Variants in RTTN observed in about 807,000 individuals in gnomAD.
RTTN encodes rotatin.
A neutral mutation model predicts 269.2 loss-of-function variants in RTTN; 182 were observed. That is an observed-to-expected ratio of 0.68 (90% CI 0.60 to 0.76). The LOEUF (loss-of-function observed/expected upper bound fraction) is 0.76, where lower values mean the gene tolerates loss of function less well. Among genes scored for constraint, RTTN ranks in the 30% least tolerant of loss-of-function variants. The pLI is 0.00. For missense variants in RTTN, 2,545 were observed against 2,608.6 expected, an observed-to-expected ratio of 0.98 and a Z score of 0.53; for synonymous variants, 1,006 against 963.5, an observed-to-expected ratio of 1.04 and a Z score of -0.82.
At chr18:70,076,166 T>C (rs1469081594) in intron 32 of RTTN, among the ~76,000 whole-genome samples, 1 of 152,074 alleles carries the variant, frequency 6.6e-6, no homozygotes, top group African/African-American at 2.4e-5. Context: ...ATTTTTTGCA[T>C]TGTGACTTAC....
chr18:70,010,103 T>G (rs567256844), intron 46 of RTTN, among the ~76,000 whole-genome samples: 15 of 152,288 alleles, frequency 9.8e-5, no homozygotes, highest in Non-Finnish European at 1.3e-4. Context: ...CTTAGAGACC[T>G]ACAAAGAGAC....
chr18:70,166,815 T>A, intron 13 of RTTN, 104 bp downstream of exon 13: 2 of 728,162 alleles, frequency 2.7e-6, no homozygotes, highest in East Asian at 2.8e-5. Context: ...AACTAAAAAA[T>A]AATAACAAAG....
At chr18:70,198,208 T>C (rs2061858680) in intron 5 of RTTN, among the ~76,000 whole-genome samples, 1 of 152,146 alleles carries the variant, frequency 6.6e-6, no homozygotes, top group Admixed American at 6.5e-5. Flanking sequence ...TCTTATCCCA[T>C]ACAGAGGACA....
At chr18:70,107,287 A>C (rs2059345683) in intron 28 of RTTN, among the ~76,000 whole-genome samples, 1 of 152,230 alleles carries the variant, frequency 6.6e-6, no homozygotes, top group Non-Finnish European at 1.5e-5. Context: ...CTGTGAAGTA[A>C]GTGAGAATCA....
At chr18:70,113,266 G>C (rs1163908505) in intron 27 of RTTN, among the ~76,000 whole-genome samples, 1 of 152,084 alleles carries the variant, frequency 6.6e-6, no homozygotes, top group East Asian at 1.9e-4. Flanking sequence ...TTTCTCCGAA[G>C]AAGATACACA....
intron 44 of RTTN, among the ~76,000 whole-genome samples, chr18:70,021,395 G>GA (rs1027250548): frequency 4.0e-5 from 6 of 150,648 alleles, no homozygotes; most frequent in Non-Finnish European, 7.4e-5. Flanking sequence ...TATTGAGGGA[G>GA]AAAAAAAAAT....
At chr18:70,177,967 A>G (rs117247166) in intron 10 of RTTN, among the ~76,000 whole-genome samples, 1,877 of 152,328 alleles carry the variant, frequency 0.012, 23 homozygotes, top group South Asian at 0.037. Context: ...GGGTCTCCAA[A>G]AGAGATGTAT....
At chr18:70,005,128 T>G in intron 48 of RTTN, 70 bp downstream of exon 48, 1 of 1,154,388 alleles carries the variant, frequency 8.7e-7, no homozygotes, top group Non-Finnish European at 1.3e-6. Context: ...TGTCCAAATA[T>G]CTCATTAATC....
intron 44 of RTTN, among the ~76,000 whole-genome samples, chr18:70,021,585 G>T (rs1364031916): frequency 6.6e-6 from 1 of 152,158 alleles, no homozygotes; most frequent in Non-Finnish European, 1.5e-5. Flanking sequence ...TACTAGTGGA[G>T]CTGGAAAATG....
chr18:70,163,038 A>ACTT (rs2060882182), intron 14 of RTTN, among the ~76,000 whole-genome samples: 1 of 131,216 alleles, frequency 7.6e-6, no homozygotes, highest in African/African-American at 2.6e-5. Flanking sequence ...ATGGGAAATG[A>ACTT]CTTTGCACCC....
intron 43 of RTTN, among the ~76,000 whole-genome samples, chr18:70,027,265 T>C (rs2056880689): frequency 6.6e-6 from 1 of 152,152 alleles, no homozygotes; most frequent in South Asian, 2.1e-4. Context: ...GGTGACCTGG[T>C]GAATTACCCA....
rs1190374597 is a variant in RTTN at position 70,024,704 on chromosome 18, A to C, written c.5950+18T>G. On this transcript the variant is annotated intron_variant, in intron 44 of 48. Transcript: ENST00000640769. ...GTATTTTGGTATATTATTGAAAGGCAGTATTGGATCCTATTACCATTTGGA... is the reference window on the plus strand; with the variant it reads ...GTATTTTGGTATATTATTGAAAGGCCGTATTGGATCCTATTACCATTTGGA... The C allele has an allele frequency of 6.2e-7, 1 of 1,600,888 alleles. No individual in the cohort carries two copies. Among genetic ancestry groups the C allele is most frequent in the East Asian group, 2.2e-5 (1 of 44,796 alleles).
intron 46 of RTTN, among the ~76,000 whole-genome samples, chr18:70,013,783 T>C (rs2056463818): frequency 1.3e-5 from 2 of 152,310 alleles, no homozygotes; most frequent in Non-Finnish European, 1.5e-5. Flanking sequence ...TATGGTGACA[T>C]TAATGTCTTA....
At chr18:70,064,476 T>C (rs931488659) in intron 35 of RTTN, among the ~76,000 whole-genome samples, 4 of 152,026 alleles carry the variant, frequency 2.6e-5, no homozygotes, top group Middle Eastern at 3.4e-3. Context: ...AACTGTAATA[T>C]ATTCATACAG....
chr18:70,204,433 T>A (rs2062027336), intron 2 of RTTN, among the ~76,000 whole-genome samples, 170 bp from the exon 3 acceptor site: 1 of 152,202 alleles, frequency 6.6e-6, no homozygotes, highest in Non-Finnish European at 1.5e-5. Context: ...CACATACACC[T>A]ATAGAGACAT....
At chr18:70,087,763 T>C (rs954464002) in intron 31 of RTTN, among the ~76,000 whole-genome samples, 1 of 152,180 alleles carries the variant, frequency 6.6e-6, no homozygotes, top group Non-Finnish European at 1.5e-5. Flanking sequence ...AAAGTTCACA[T>C]TAAAATATAG....
Position 70,136,605 on chromosome 18 carries a change from A to G in RTTN, c.2789-1325T>C, listed in dbSNP as rs2060130584. ...ATATATATGAAAAGATAACTTCACT[A>G]AAACTAAAATAAGAAAATAAAACAA... is the stretch of plus-strand genomic sequence containing the variant. On this transcript the variant is annotated intron_variant, in intron 21 of 48. Transcript: ENST00000640769. Among the ~76,000 whole-genome samples the G allele has an allele frequency of 3.3e-5, 5 of 152,042 alleles. 1 individual carries two copies. The highest frequency in any genetic ancestry group is 3.3e-4 in the Admixed American group (5 of 15,256).
In RTTN at chr18:70,060,387, A is replaced by G. The variant is rs746376383; in HGVS notation, c.4748-345T>C. Among the ~76,000 whole-genome samples the G allele has an allele frequency of 3.9e-3, 587 of 152,320 alleles. 3 individuals are homozygous for G. The highest frequency in any genetic ancestry group is 6.6e-3 in the Non-Finnish European group (449 of 68,026). On this transcript the variant is annotated intron_variant, in intron 35 of 48. Coordinates refer to ENST00000640769, the MANE Select transcript of RTTN (RefSeq NM_173630.4). ...TTTACAATCCTTTTTCTGAAACTCG[A>G]GGGGCCAAAGGTGTGTCCAAATTCA...
intron 4 of RTTN, 45 bp from the exon 5 acceptor site, chr18:70,199,549 A>G: frequency 4.6e-6 from 6 of 1,299,234 alleles, no homozygotes; most frequent in Non-Finnish European, 6.7e-6. Context: ...GAATAAAGAG[A>G]TGACAGATTC....
Sources: allele counts gnomAD v4.1 joint callset (sites outside exome capture counted in the v4.1 genomes callset), GRCh38; gene constraint gnomAD v4.1.1; transcripts MANE v1.5; gene names NCBI Gene and HGNC (gene_info 2026-07-23, HGNC 2026-07-21).